The following PRELID2 variants were observed in gnomAD, a reference collection of about 807,000 sequenced individuals.
The protein encoded by PRELID2 is PRELI domain-containing protein 2.
PRELID2 carries 25 observed loss-of-function variants against 28.4 expected under a neutral mutation model. That is an observed-to-expected ratio of 0.88 (90% CI 0.64 to 1.23). The LOEUF (loss-of-function observed/expected upper bound fraction) is 1.23, where lower values mean the gene tolerates loss of function less well. PRELID2 is among the 50% of genes most tolerant of loss of function. PRELID2 has a pLI of 0.00. For synonymous variants in PRELID2, 76 were observed against 71.6 expected (o/e 1.06, Z -0.31); for missense variants, 201 against 214.4 (o/e 0.94, Z 0.39).
chr5:145,395,101 A>G, the PRELID2 span, among the ~76,000 whole-genome samples: 470 of 152,222 alleles, frequency 3.1e-3, 3 homozygotes, highest in African/African-American at 0.011. Context: ...CTATATGCCA[A>G]GTGCTTTTAG....
intron 4 of PRELID2, among the ~76,000 whole-genome samples, chr5:145,801,764 T>C (rs538536779): frequency 6.6e-6 from 1 of 152,358 alleles, no homozygotes; most frequent in East Asian, 1.9e-4. Context: ...GTTCTTCTAG[T>C]GCACGAGATT....
chr5:145,363,440 T>C, the PRELID2 span, among the ~76,000 whole-genome samples: 1 of 151,998 alleles, frequency 6.6e-6, no homozygotes, highest in Non-Finnish European at 1.5e-5. Flanking sequence ...CCATTAAAAA[T>C]AGTAAAACTC....
At chr5:145,575,231 C>T (rs189025760) in intron 1 of PRELID2, among the ~76,000 whole-genome samples, 1 of 152,310 alleles carries the variant, frequency 6.6e-6, no homozygotes, top group East Asian at 1.9e-4. Flanking sequence ...ACTTTATTTA[C>T]TACCTGCTGA....
chr5:145,494,451 C>T (rs1284372869), intron 1 of PRELID2, among the ~76,000 whole-genome samples: 1 of 152,248 alleles, frequency 6.6e-6, no homozygotes, highest in East Asian at 1.9e-4. Flanking sequence ...TTAAGGTCAA[C>T]ATTTATGTCA....
chr5:145,701,773 C>T (rs772917030), intron 1 of PRELID2, among the ~76,000 whole-genome samples: 10 of 152,096 alleles, frequency 6.6e-5, no homozygotes, highest in Non-Finnish European at 1.3e-4. Flanking sequence ...CATTGAAGGC[C>T]GGGCGCAGTG....
At chr5:145,817,220 A>ATATATATATATAT (rs1265574987) in intron 4 of PRELID2, among the ~76,000 whole-genome samples, 2 of 66,514 alleles carry the variant, frequency 3.0e-5, no homozygotes, top group African/African-American at 8.1e-5. Context: ...AATAAAAAAA[A>ATATATATATATAT]ATATATATAT....
At chr5:145,317,154 C>T in the PRELID2 span, among the ~76,000 whole-genome samples, 1 of 152,250 alleles carries the variant, frequency 6.6e-6, no homozygotes, top group East Asian at 1.9e-4. Flanking sequence ...TTGTGTTTGT[C>T]CAGTTTAATA....
intron 1 of PRELID2, among the ~76,000 whole-genome samples, chr5:145,828,638 C>T (rs1755363525): frequency 6.6e-6 from 1 of 151,958 alleles, no homozygotes; most frequent in Admixed American, 6.6e-5. Flanking sequence ...TTTAAAAAGA[C>T]AACTGTTTCT....
At chr5:145,732,467 C>T (rs1756373339) in intron 1 of PRELID2, among the ~76,000 whole-genome samples, 1 of 152,204 alleles carries the variant, frequency 6.6e-6, no homozygotes, top group Non-Finnish European at 1.5e-5. Context: ...CACTGTCCTG[C>T]ACAAATGTGC....
the PRELID2 span, among the ~76,000 whole-genome samples, chr5:145,259,685 T>C: frequency 3.9e-5 from 6 of 152,182 alleles, no homozygotes; most frequent in African/African-American, 2.4e-5. Context: ...ACTAACTTGT[T>C]TTTGCTTTTA....
intron 1 of PRELID2, among the ~76,000 whole-genome samples, chr5:145,500,249 T>G (rs1345829389): frequency 6.6e-6 from 1 of 152,008 alleles, no homozygotes; most frequent in Non-Finnish European, 1.5e-5. Flanking sequence ...TGATAGTGAG[T>G]GTGTTCTCAT....
At chr5:145,538,907 A>C (rs1283273703) in intron 1 of PRELID2, among the ~76,000 whole-genome samples, 2 of 152,066 alleles carry the variant, frequency 1.3e-5, no homozygotes, top group African/African-American at 4.8e-5. Flanking sequence ...TTTCTGCTCA[A>C]AAGCACATAC....
the PRELID2 span, among the ~76,000 whole-genome samples, chr5:145,382,565 G>A: frequency 6.6e-6 from 1 of 151,882 alleles, no homozygotes; most frequent in East Asian, 1.9e-4. Context: ...GCAATAAAAT[G>A]GTCTTTCAAG....
At chr5:145,609,303 A>G (rs1238788802) in intron 1 of PRELID2, among the ~76,000 whole-genome samples, 3 of 152,002 alleles carry the variant, frequency 2.0e-5, no homozygotes, top group Admixed American at 2.0e-4. Flanking sequence ...TTGCTGGGGG[A>G]CTAGTGTGGT....
chr5:145,699,869 T>A (rs980205444), intron 1 of PRELID2, among the ~76,000 whole-genome samples: 13 of 152,176 alleles, frequency 8.5e-5, no homozygotes, highest in East Asian at 7.7e-4. Flanking sequence ...CAGACCCTGG[T>A]GTTTGGTGTT....
chr5:145,636,796 C>T (rs1474217697), intron 1 of PRELID2, among the ~76,000 whole-genome samples: 1 of 152,172 alleles, frequency 6.6e-6, no homozygotes, highest in African/African-American at 2.4e-5. Context: ...TGAAGACGTG[C>T]ACTCTTAAAG....
chr5:145,456,116 G>T, the PRELID2 span, among the ~76,000 whole-genome samples: 2 of 152,290 alleles, frequency 1.3e-5, no homozygotes, highest in Admixed American at 6.5e-5. Context: ...AAAGGTGACT[G>T]GTCTGCAAAA....
Position 145,600,451 on chromosome 5 carries a change from A to ATATATATATATG in PRELID2, n.71-127137_71-127136insCATATATATATA, listed in dbSNP as rs1328695707. 1.6e-3 allele frequency among the ~76,000 whole-genome samples: 217 copies of ATATATATATATG among 138,262 alleles called. 2 individuals carry two copies. The highest frequency in any genetic ancestry group is 2.2e-3 in the African/African-American group (70 of 32,414). 90.7% of individuals were successfully genotyped at this position (138,262 alleles called of 152,430 possible). On this transcript the variant is annotated intron_variant and non_coding_transcript_variant, in intron 1 of 2. Transcript: ENST00000510259. The stretch of plus-strand genomic sequence containing the variant: ...AAAAAAAAAATATATATATATATAT[A>ATATATATATATG]TATGTATCTCACAGGTGTGATGGGG...
chr5:145,442,449 G>T, the PRELID2 span, among the ~76,000 whole-genome samples: 1 of 151,910 alleles, frequency 6.6e-6, no homozygotes, highest in Non-Finnish European at 1.5e-5. Flanking sequence ...ATGCAATAGG[G>T]CTCTCTCTTT....
Sources: allele counts gnomAD v4.1 joint callset (sites outside exome capture counted in the v4.1 genomes callset), GRCh38; gene constraint gnomAD v4.1.1; transcripts MANE v1.5; gene names NCBI Gene and HGNC (gene_info 2026-07-23, HGNC 2026-07-21).